Variants in HDAC9 observed in about 807,000 individuals in gnomAD.
The protein encoded by HDAC9 is MEF-2 interacting transcription repressor (MITR) protein.
In HDAC9, 41 loss-of-function variants were observed where a neutral mutation model predicts 139.4. The observed-to-expected ratio is 0.29, with a 90% CI of 0.23 to 0.38. The LOEUF (loss-of-function observed/expected upper bound fraction) is 0.38, where lower values mean the gene tolerates loss of function less well. HDAC9 is among the 10% of genes least tolerant of loss of function. The pLI is 1.00. For missense variants in HDAC9, 1,147 were observed against 1,297.0 expected (o/e 0.88, Z 1.78); for synonymous variants, 517 against 476.2 (o/e 1.09, Z -1.12).
intron 19 of HDAC9, among the ~76,000 whole-genome samples, chr7:18,834,050 C>A (rs1796049697): frequency 6.6e-6 from 1 of 152,146 alleles, no homozygotes; most frequent in African/African-American, 2.4e-5. Flanking sequence ...AGATTCAAGA[C>A]CCAGTCTTGC....
rs562091141 is a variant in HDAC9 at position 18,175,220 on chromosome 7, C to T, written c.25+12871C>T. Among the ~76,000 whole-genome samples, 34 of 152,278 alleles carry T rather than the reference C, an allele frequency of 2.2e-4. No homozygotes were observed. The East Asian group carries it at 5.8e-3, about 26-fold the overall frequency. ...CTTGCAGGTCCATCTCAGATTGCCA[C>T]GCTAGCAGTGAGCAAGGTTCTGTGG... On this transcript the variant is annotated intron_variant, in intron 2 of 12. Coordinates refer to the HDAC9 transcript ENST00000417496.
At chr7:18,246,377 A>G (rs1290333393) in intron 2 of HDAC9, among the ~76,000 whole-genome samples, 1 of 151,970 alleles carries the variant, frequency 6.6e-6, no homozygotes, top group Non-Finnish European at 1.5e-5. Flanking sequence ...AACAAAGTTT[A>G]CAATTTTAAC....
chr7:18,786,906 A>T (rs1284967614), intron 16 of HDAC9, among the ~76,000 whole-genome samples: 1 of 143,434 alleles, frequency 7.0e-6, no homozygotes, highest in African/African-American at 2.6e-5. Flanking sequence ...GCTGATGCAC[A>T]TTACCGATAT....
intron 16 of HDAC9, among the ~76,000 whole-genome samples, chr7:18,787,421 A>G (rs1743361776): frequency 6.6e-6 from 1 of 152,210 alleles, no homozygotes; most frequent in Admixed American, 6.5e-5. Context: ...TGGGATGCCT[A>G]TTTCAAAACT....
chr7:18,624,881 ATC>A (rs994315202), intron 6 of HDAC9, among the ~76,000 whole-genome samples: 2 of 151,960 alleles, frequency 1.3e-5, no homozygotes, highest in African/African-American at 4.8e-5. Flanking sequence ...AGATTTTAAT[ATC>A]TCTCATGACC....
At chr7:18,365,365 A>G (rs114845566) in intron 1 of HDAC9, among the ~76,000 whole-genome samples, 1,749 of 152,240 alleles carry the variant, frequency 0.011, 31 homozygotes, top group African/African-American at 0.04. Flanking sequence ...AGAGCTATGT[A>G]TGTCATGAGC....
At chr7:18,747,928 C>G (rs902080650) in intron 13 of HDAC9, among the ~76,000 whole-genome samples, 3 of 152,138 alleles carry the variant, frequency 2.0e-5, no homozygotes, top group Admixed American at 6.5e-5. Flanking sequence ...ACTTCTTTTA[C>G]AGCATAAATT....
At chr7:18,905,202 T>C (rs1802119593) in intron 22 of HDAC9, among the ~76,000 whole-genome samples, 1 of 152,240 alleles carries the variant, frequency 6.6e-6, no homozygotes, top group Admixed American at 6.5e-5. Context: ...AGCCTCCCCA[T>C]TTCTTGTTAA....
Position 18,564,139 on chromosome 7 carries a change from T to C in HDAC9, c.23-21142T>C, listed in dbSNP as rs1415114530. 3.3e-5 allele frequency among the ~76,000 whole-genome samples: 5 copies of C among 152,100 alleles called. 1 individual carries two copies. The highest frequency in any genetic ancestry group is 7.4e-5 in the Non-Finnish European group (5 of 68,014). ...TGTGAGCCACCGCACTCGGCCAGAT[T>C]GTAAATTTTTTGACAACAATGACTA... On this transcript the variant is annotated intron_variant, in intron 2 of 25. Transcript: ENST00000686413.
chr7:18,607,521 G>T (rs536470431), intron 6 of HDAC9, among the ~76,000 whole-genome samples: 41 of 152,238 alleles, frequency 2.7e-4, no homozygotes, highest in African/African-American at 9.4e-4. Context: ...GTGTGACATG[G>T]GTCTCAGTAC....
intron 17 of HDAC9, among the ~76,000 whole-genome samples, chr7:18,827,865 C>G (rs1795571512): frequency 6.6e-6 from 1 of 152,096 alleles, no homozygotes; most frequent in Non-Finnish European, 1.5e-5. Context: ...TAGTGTCAAT[C>G]TACCATCTTA....
chr7:18,332,727 C>T (rs1801022609), intron 1 of HDAC9, among the ~76,000 whole-genome samples: 1 of 151,526 alleles, frequency 6.6e-6, no homozygotes, highest in African/African-American at 2.4e-5. Context: ...AATACTACAT[C>T]TCAATTTGGC....
rs143082659 is a variant in HDAC9 at position 18,839,792 on chromosome 7, G to T, written c.2684+3795G>T. On this transcript the variant is annotated intron_variant, in intron 21 of 25. Coordinates refer to ENST00000686413, the MANE Select transcript of HDAC9 (RefSeq NM_178425.4). ...AATCATTTCAAAAGGATGTTCCAAT[G>T]GTTTTATACTCTCTACAGTCCATTG... Among the ~76,000 whole-genome samples, 372 of 152,026 alleles carry T rather than the reference G, an allele frequency of 2.4e-3. 1 individual carries two copies. The highest frequency in any genetic ancestry group is 4.1e-3 in the Non-Finnish European group (280 of 67,922).
intron 2 of HDAC9, among the ~76,000 whole-genome samples, chr7:18,531,182 A>G (rs1276405909): frequency 3.3e-5 from 5 of 152,044 alleles, no homozygotes; most frequent in African/African-American, 7.2e-5. Context: ...TATTATAATA[A>G]TTATTATTAA....
At chr7:18,191,644 G>T (rs1033228616) in intron 2 of HDAC9, among the ~76,000 whole-genome samples, 1 of 152,150 alleles carries the variant, frequency 6.6e-6, no homozygotes, top group Non-Finnish European at 1.5e-5. Context: ...TAAAAATGTG[G>T]CTTGCCAAGT....
chr7:18,849,811 C>T (rs895326587), intron 21 of HDAC9, among the ~76,000 whole-genome samples: 2 of 152,166 alleles, frequency 1.3e-5, no homozygotes, highest in African/African-American at 4.8e-5. Context: ...GAATGTATTA[C>T]TTTTCCTGGT....
intron 1 of HDAC9, among the ~76,000 whole-genome samples, chr7:18,360,187 A>T (rs1006858706): frequency 1.3e-5 from 2 of 152,184 alleles, no homozygotes; most frequent in Admixed American, 6.5e-5. Context: ...CTCTTATCCT[A>T]TGTATATTCC....
intron 2 of HDAC9, among the ~76,000 whole-genome samples, chr7:18,192,521 C>G (rs1322744424): frequency 6.6e-6 from 1 of 152,072 alleles, no homozygotes; most frequent in Non-Finnish European, 1.5e-5. Flanking sequence ...TGGGTATTTA[C>G]TGTGAGGAGA....
chr7:18,906,702 C>T (rs1450727272), intron 22 of HDAC9, among the ~76,000 whole-genome samples: 5 of 152,132 alleles, frequency 3.3e-5, no homozygotes, highest in Admixed American at 6.6e-5. Flanking sequence ...CCTTGTTTGA[C>T]GGCCTCCTAC....
Sources: gnomAD v4.1 joint callset for allele counts (sites outside exome capture counted in the v4.1 genomes callset) on GRCh38, gnomAD v4.1.1 for gene constraint, MANE v1.5 for transcripts, NCBI Gene and HGNC (gene_info 2026-07-23, HGNC 2026-07-21) for gene names.